The following JARID2 variants were observed in gnomAD, a reference collection of about 807,000 sequenced individuals.
JARID2 encodes jumonji and AT-rich interaction domain containing 2.
Under a neutral mutation model 125.6 loss-of-function variants are expected in JARID2, and 21 were observed. That is an observed-to-expected ratio of 0.17 (90% CI 0.12 to 0.24). The LOEUF (loss-of-function observed/expected upper bound fraction) is 0.24. Ranked by LOEUF, JARID2 falls within the 10% of genes least tolerant of loss-of-function variation. The probability of loss-of-function intolerance (pLI) is 1.00; values close to 1 mark genes in which losing one functional copy is unlikely to be tolerated. For missense variants in JARID2, 1,303 were observed against 1,639.6 expected (o/e 0.79, Z 3.55); for synonymous variants, 736 against 661.6 (o/e 1.11, Z -1.73).
chr6:15,372,891 T>C (rs1041308070), intron 1 of JARID2, among the ~76,000 whole-genome samples: 1 of 152,028 alleles, frequency 6.6e-6, no homozygotes, highest in South Asian at 2.1e-4. Context: ...GTATTTTTAG[T>C]AGAGATGGGA....
At chr6:15,468,863 A>G in intron 5 of JARID2, 145 bp downstream of exon 5, 1 of 728,650 alleles carries the variant, frequency 1.4e-6, no homozygotes, top group Non-Finnish European at 2.2e-6. Context: ...GGGCAAAGGG[A>G]TTATTAGTGT....
chr6:15,317,260 A>G (rs1251932432), intron 1 of JARID2, among the ~76,000 whole-genome samples: 3 of 152,196 alleles, frequency 2.0e-5, no homozygotes, highest in Non-Finnish European at 4.4e-5. Context: ...GATCTGAAAC[A>G]CAACAGACAA....
chr6:15,246,666 T>G (rs112341799), intron 1 of JARID2, 82 bp downstream of exon 1: 163,695 of 1,243,794 alleles, frequency 0.13, 12,276 homozygotes, highest in Admixed American at 0.27. Context: ...TAATTCTGCC[T>G]CTGAAGGGTT....
At position 15,428,927 on chromosome 6, in the gene JARID2, C is replaced by CA. The variant is rs1252399661; in HGVS notation, c.323+18565dup. ...TCTCAAAAAAACAACAAAAAAAAAA[C>CA]AAACCCCCCCCCCAAAAAAAAAAAA... On this transcript the variant is annotated intron_variant, in intron 3 of 17. Coordinates refer to ENST00000341776, the MANE Select transcript of JARID2 (RefSeq NM_004973.4). Among the ~76,000 whole-genome samples the CA allele has an allele frequency of 4.0e-5, 4 of 99,336 alleles. No homozygotes were observed. The South Asian group carries it at 1.0e-3, about 25-fold the overall frequency. The allele number at this position is 99,336 out of a possible 152,430, so 65.2% of individuals were successfully genotyped here. A position where few individuals can be genotyped will look rare whatever the true frequency, so the allele number is the denominator to read the frequency against.
intron 3 of JARID2, among the ~76,000 whole-genome samples, chr6:15,424,450 T>C (rs1766635583): frequency 6.6e-6 from 1 of 152,218 alleles, no homozygotes. Flanking sequence ...GCAAAATTTA[T>C]GATTATAGAT....
intron 3 of JARID2, among the ~76,000 whole-genome samples, chr6:15,428,611 T>C (rs1013037759): frequency 1.3e-5 from 2 of 152,136 alleles, no homozygotes; most frequent in Non-Finnish European, 2.9e-5. Flanking sequence ...CATGCAATGA[T>C]AGAATCTTCT....
chr6:15,423,836 GTT>G (rs35469405), intron 3 of JARID2, among the ~76,000 whole-genome samples: 1 of 152,324 alleles, frequency 6.6e-6, no homozygotes, highest in South Asian at 2.1e-4. Context: ...GGTGACCAGT[GTT>G]TTGGGTTCCT....
intron 1 of JARID2, among the ~76,000 whole-genome samples, chr6:15,337,149 G>C (rs1180104546): frequency 6.6e-6 from 1 of 152,126 alleles, no homozygotes; most frequent in African/African-American, 2.4e-5. Flanking sequence ...CCTTCATGCA[G>C]TTTTAAACCA....
At chr6:15,285,384 T>C (rs1017155806) in intron 1 of JARID2, among the ~76,000 whole-genome samples, 16 of 151,958 alleles carry the variant, frequency 1.1e-4, no homozygotes, top group African/African-American at 3.9e-4. Flanking sequence ...CTCGGCCTCC[T>C]AAAGTGCTGG....
In JARID2 at chr6:15,377,242, G is replaced by A. The variant is rs529546530; in HGVS notation, c.181+2990G>A. ...CTTACAGTTCCTCATGCCTGGGGAG[G>A]CCTCAGAGTCATGGAGGGAGGTGAA... is the stretch of plus-strand genomic sequence containing the variant. On this transcript the variant is annotated intron_variant, in intron 2 of 17. Coordinates refer to ENST00000341776, the MANE Select transcript of JARID2 (RefSeq NM_004973.4). Among the ~76,000 whole-genome samples, 7 of 152,266 alleles carry A rather than the reference G, an allele frequency of 4.6e-5. No individual in the cohort carries two copies. The South Asian group carries it at 1.5e-3, about 32-fold the overall frequency.
At chr6:15,330,072 A>G (rs1762657144) in intron 1 of JARID2, among the ~76,000 whole-genome samples, 1 of 152,186 alleles carries the variant, frequency 6.6e-6, no homozygotes, top group South Asian at 2.1e-4. Flanking sequence ...AAAAGGATAT[A>G]TATGTGCTCT....
intron 5 of JARID2, among the ~76,000 whole-genome samples, chr6:15,479,620 AT>A (rs1446546028): frequency 1.4e-4 from 21 of 152,356 alleles, no homozygotes; most frequent in African/African-American, 5.1e-4. Flanking sequence ...AAGAGATTTC[AT>A]TGTGTGAAAG....
At chr6:15,380,602 T>G (rs1764543333) in intron 2 of JARID2, among the ~76,000 whole-genome samples, 1 of 152,194 alleles carries the variant, frequency 6.6e-6, no homozygotes, top group African/African-American at 2.4e-5. Context: ...GCATGGATGT[T>G]TTGGCAACAG....
At chr6:15,351,396 C>G (rs1299254556) in intron 1 of JARID2, among the ~76,000 whole-genome samples, 1 of 152,170 alleles carries the variant, frequency 6.6e-6, no homozygotes, top group Non-Finnish European at 1.5e-5. Flanking sequence ...TTAAATAAAA[C>G]TGGAAACCTT....
At chr6:15,329,893 C>T (rs141507130) in intron 1 of JARID2, among the ~76,000 whole-genome samples, 1 of 152,276 alleles carries the variant, frequency 6.6e-6, no homozygotes, top group East Asian at 1.9e-4. Flanking sequence ...ATTTAAAAAA[C>T]ATATCTCATA....
intron 2 of JARID2, among the ~76,000 whole-genome samples, chr6:15,400,660 CATTTT>C (rs3841761): frequency 0.43 from 65,813 of 151,308 alleles, 14,344 homozygotes; most frequent in East Asian, 0.54. Flanking sequence ...TCCTTTTTCT[CATTTT>C]AATTTATCAG....
chr6:15,270,607 GTTA>G (rs1760259464), intron 1 of JARID2, among the ~76,000 whole-genome samples: 1 of 152,130 alleles, frequency 6.6e-6, no homozygotes, highest in South Asian at 2.1e-4. Context: ...CAGTGACTGT[GTTA>G]TTAAGGTGTT....
intron 3 of JARID2, among the ~76,000 whole-genome samples, chr6:15,419,080 A>G (rs999684275): frequency 1.3e-5 from 2 of 151,932 alleles, no homozygotes; most frequent in African/African-American, 4.9e-5. Flanking sequence ...TCATTCCTGT[A>G]TCAAAAATAA....
At chr6:15,424,156 TG>T (rs1356426280) in intron 3 of JARID2, among the ~76,000 whole-genome samples, 2 of 149,112 alleles carry the variant, frequency 1.3e-5, no homozygotes, top group Non-Finnish European at 3.0e-5. Flanking sequence ...TTTTAAGAGA[TG>T]GGGTCTTGCT....
Sources: gnomAD v4.1 joint callset for allele counts (sites outside exome capture counted in the v4.1 genomes callset) on GRCh38, gnomAD v4.1.1 for gene constraint, MANE v1.5 for transcripts, NCBI Gene and HGNC (gene_info 2026-07-23, HGNC 2026-07-21) for gene names.